Variants in TMPRSS15 observed in about 807,000 individuals in gnomAD.
TMPRSS15 encodes the protein transmembrane serine protease 15, also known as enteropeptidase.
Under a neutral mutation model 125.3 loss-of-function variants are expected in TMPRSS15, and 128 were observed. The ratio of observed to expected loss-of-function variants is 1.02; its 90% CI spans 0.89 to 1.18. TMPRSS15 has a LOEUF of 1.18. Ranked by LOEUF, TMPRSS15 falls within the 50% of genes most tolerant of loss-of-function variation. The pLI, the probability that TMPRSS15 is intolerant of heterozygous loss-of-function variation, is 0.00. For missense variants in TMPRSS15, 1,283 were observed against 1,212.7 expected (o/e 1.06, Z -0.86); for synonymous variants, 446 against 423.2 (o/e 1.05, Z -0.66).
chr21:18,460,345 T>G (rs1978528367), intron 1 of TMPRSS15, among the ~76,000 whole-genome samples: 2 of 147,784 alleles, frequency 1.4e-5, no homozygotes, highest in Admixed American at 1.3e-4. Context: ...ATTATTAAAT[T>G]TAGTCATTTT....
chr21:18,342,722 A>G (rs1331563979), intron 12 of TMPRSS15, among the ~76,000 whole-genome samples: 1 of 152,206 alleles, frequency 6.6e-6, no homozygotes, highest in Non-Finnish European at 1.5e-5. Context: ...AAAGAAGGAA[A>G]AAGGAAGAGA....
chr21:18,272,814 C>T (rs565589462), intron 24 of TMPRSS15, among the ~76,000 whole-genome samples: 9 of 152,078 alleles, frequency 5.9e-5, no homozygotes, highest in South Asian at 2.1e-4. Context: ...AAAGTATTAA[C>T]CTTAAATTTA....
At chr21:18,344,769 A>G (rs951682505) in intron 10 of TMPRSS15, among the ~76,000 whole-genome samples, 3 of 152,182 alleles carry the variant, frequency 2.0e-5, no homozygotes, top group Non-Finnish European at 4.4e-5. Context: ...ACATTTTCTT[A>G]GGGGAATTTA....
At chr21:18,452,584 G>A (rs1003414087) in intron 1 of TMPRSS15, among the ~76,000 whole-genome samples, 28 of 152,214 alleles carry the variant, frequency 1.8e-4, no homozygotes, top group African/African-American at 6.3e-4. Flanking sequence ...GAGAATCACC[G>A]GAGCCCTGGA....
chr21:18,410,204 T>TG (rs1362599083), intron 1 of TMPRSS15, among the ~76,000 whole-genome samples: 1 of 151,772 alleles, frequency 6.6e-6, no homozygotes, highest in African/African-American at 2.4e-5. Flanking sequence ...AGCCTTCTTT[T>TG]GATGGCCCAT....
intron 1 of TMPRSS15, among the ~76,000 whole-genome samples, chr21:18,457,803 C>T (rs1035738362): frequency 5.3e-5 from 8 of 152,000 alleles, no homozygotes; most frequent in Admixed American, 1.3e-4. Flanking sequence ...TAAAAATGGC[C>T]GAATCCTTAT....
At chr21:18,389,183 AGAAG>A (rs930978121) in intron 3 of TMPRSS15, among the ~76,000 whole-genome samples, 5 of 151,702 alleles carry the variant, frequency 3.3e-5, no homozygotes, top group African/African-American at 1.2e-4. Flanking sequence ...AAGAAAGGAA[AGAAG>A]GAAGGAAGGA....
At chr21:18,271,924 C>T (rs2074561635) in intron 24 of TMPRSS15, among the ~76,000 whole-genome samples, 1 of 152,186 alleles carries the variant, frequency 6.6e-6, no homozygotes, top group Non-Finnish European at 1.5e-5. Flanking sequence ...CCTTTTATGG[C>T]TGCATAGTAT....
chr21:18,437,175 T>C (rs1445607372), intron 1 of TMPRSS15, among the ~76,000 whole-genome samples: 7 of 150,174 alleles, frequency 4.7e-5, no homozygotes, highest in Non-Finnish European at 8.9e-5. Flanking sequence ...ACGCCGCATA[T>C]CTACAACTAT....
intron 22 of TMPRSS15, among the ~76,000 whole-genome samples, chr21:18,280,160 T>C (rs915708265): frequency 6.6e-6 from 1 of 152,218 alleles, no homozygotes; most frequent in Admixed American, 6.5e-5. Context: ...AAAGTCAGAA[T>C]TGAGCAGAGC....
intron 24 of TMPRSS15, among the ~76,000 whole-genome samples, chr21:18,271,585 A>ATTTTC (rs60747056): frequency 3.0e-4 from 46 of 150,974 alleles, no homozygotes; most frequent in African/African-American, 7.8e-4. Flanking sequence ...CCTTACCTTA[A>ATTTTC]TTTTCTTTTC....
At chr21:18,428,301 G>A (rs2076208161) in intron 1 of TMPRSS15, among the ~76,000 whole-genome samples, 3 of 152,178 alleles carry the variant, frequency 2.0e-5, no homozygotes. Flanking sequence ...GAGCATAAAA[G>A]TTTGGAAAAT....
chr21:18,446,380 A>G (rs1298495205), intron 1 of TMPRSS15, among the ~76,000 whole-genome samples: 1 of 152,176 alleles, frequency 6.6e-6, no homozygotes, highest in Non-Finnish European at 1.5e-5. Context: ...ATACTACTCA[A>G]AGCAATACAC....
chr21:18,273,908 G>GACTT (rs1397556078), intron 24 of TMPRSS15, among the ~76,000 whole-genome samples: 8 of 152,234 alleles, frequency 5.3e-5, no homozygotes, highest in Non-Finnish European at 8.8e-5. Flanking sequence ...TTAACTAGAG[G>GACTT]ACTTACATAC....
intron 12 of TMPRSS15, among the ~76,000 whole-genome samples, chr21:18,342,437 C>T (rs914792880): frequency 6.6e-6 from 1 of 152,180 alleles, no homozygotes; most frequent in African/African-American, 2.4e-5. Context: ...TGGTGACTTG[C>T]TCATGATTTC....
At chr21:18,419,682 C>T (rs1308073961) in intron 1 of TMPRSS15, among the ~76,000 whole-genome samples, 1 of 152,136 alleles carries the variant, frequency 6.6e-6, no homozygotes, top group Non-Finnish European at 1.5e-5. Flanking sequence ...TTGACTTTGA[C>T]ACCAGCCTGG....
intron 24 of TMPRSS15, among the ~76,000 whole-genome samples, chr21:18,274,107 G>C (rs1479073397): frequency 6.6e-6 from 1 of 152,186 alleles, no homozygotes; most frequent in Non-Finnish European, 1.5e-5. Flanking sequence ...TAATCCAGCA[G>C]ACATTAAAGC....
intron 5 of TMPRSS15, 23 bp downstream of exon 5, chr21:18,379,260 A>T (rs1242706455): frequency 6.5e-6 from 8 of 1,237,644 alleles, no homozygotes; most frequent in Non-Finnish European, 8.5e-6. Context: ...TCAAAAAATA[A>T]TAATAATATT....
chr21:18,327,436 C>A (rs549663485), intron 15 of TMPRSS15, among the ~76,000 whole-genome samples: 2 of 152,268 alleles, frequency 1.3e-5, no homozygotes, highest in African/African-American at 4.8e-5. Flanking sequence ...CTAGTCCCAA[C>A]AAAATTTTCT....
Sources: gnomAD v4.1 joint callset for allele counts (sites outside exome capture counted in the v4.1 genomes callset) on GRCh38, gnomAD v4.1.1 for gene constraint, MANE v1.5 for transcripts, NCBI Gene and HGNC (gene_info 2026-07-23, HGNC 2026-07-21) for gene names.